Variants in TMEM178B observed in about 807,000 individuals in gnomAD.
TMEM178B encodes transmembrane protein 178B.
Under a neutral mutation model 31.0 loss-of-function variants are expected in TMEM178B, and 5 were observed. The observed-to-expected ratio is 0.16, with a 90% CI of 0.08 to 0.34. The LOEUF is 0.34. Among genes scored for constraint, TMEM178B ranks in the 10% least tolerant of loss-of-function variants. The pLI, the probability that TMEM178B is intolerant of heterozygous loss-of-function variation, is 1.00. For synonymous variants in TMEM178B, 164 were observed against 164.0 expected, an observed-to-expected ratio of 1.00 and a Z score of 0.00; for missense variants, 275 against 400.3, an observed-to-expected ratio of 0.69 and a Z score of 2.67.
intron 2 of TMEM178B, among the ~76,000 whole-genome samples, chr7:141,299,282 T>C (rs929992979): frequency 6.6e-6 from 1 of 152,166 alleles, no homozygotes; most frequent in African/African-American, 2.4e-5. Context: ...GTGCAAGTGA[T>C]TCTCCTGCCT....
At chr7:141,374,244 C>T (rs1800170996) in intron 2 of TMEM178B, among the ~76,000 whole-genome samples, 1 of 152,164 alleles carries the variant, frequency 6.6e-6, no homozygotes, top group African/African-American at 2.4e-5. Context: ...CGGGATTCCA[C>T]CAGCAGGTGT....
chr7:141,162,417 C>T (rs760415485), intron 1 of TMEM178B, among the ~76,000 whole-genome samples: 3 of 152,158 alleles, frequency 2.0e-5, no homozygotes, highest in Non-Finnish European at 4.4e-5. Context: ...AGGGCTGACA[C>T]CTGAACAATG....
In TMEM178B at chr7:141,472,143, T is replaced by C. The variant is rs1190954555; in HGVS notation, c.*1357T>C. 1 of 152,172 alleles carries C rather than the reference T, an allele frequency of 6.6e-6. No homozygotes were observed. Among genetic ancestry groups the C allele is most frequent in the East Asian group, 1.9e-4 (1 of 5,174 alleles). The allele number at this position is 152,172 out of a possible 1,614,324, so 9.4% of individuals were successfully genotyped here. A position where few individuals can be genotyped will look rare whatever the true frequency, so the allele number is the denominator to read the frequency against. ...ACTCCCCATTATAGAAGCTGTCCTT[T>C]GTCACTGGACATCTCCCCTTTCCCT... On this transcript the variant is annotated 3_prime_UTR_variant, in exon 4 of 4. Coordinates refer to ENST00000565468, the MANE Select transcript of TMEM178B (RefSeq NM_001195278.2).
At chr7:141,312,262 C>A (rs776398152) in intron 2 of TMEM178B, among the ~76,000 whole-genome samples, 4 of 152,204 alleles carry the variant, frequency 2.6e-5, no homozygotes, top group Non-Finnish European at 5.9e-5. Flanking sequence ...CTTCCCTCTT[C>A]CCCTGCAGAA....
At chr7:141,197,923 G>A (rs1019524902) in intron 1 of TMEM178B, among the ~76,000 whole-genome samples, 8 of 152,128 alleles carry the variant, frequency 5.3e-5, no homozygotes, top group African/African-American at 9.7e-5. Flanking sequence ...ATGAGCCACC[G>A]CACCCTGCCA....
chr7:141,213,949 C>G (rs1389902126), intron 2 of TMEM178B, among the ~76,000 whole-genome samples: 2 of 152,184 alleles, frequency 1.3e-5, no homozygotes, highest in South Asian at 4.1e-4. Flanking sequence ...TTACTAGAGA[C>G]ACTAAGCAGC....
intron 2 of TMEM178B, among the ~76,000 whole-genome samples, chr7:141,424,549 G>A (rs1182280043): frequency 2.6e-5 from 4 of 152,168 alleles, no homozygotes; most frequent in African/African-American, 4.8e-5. Context: ...CTCATGATCC[G>A]TGCTTGGAAT....
intron 2 of TMEM178B, among the ~76,000 whole-genome samples, chr7:141,338,240 G>A (rs1799459234): frequency 2.0e-5 from 3 of 152,318 alleles, no homozygotes; most frequent in African/African-American, 7.2e-5. Context: ...TGGTCATGAT[G>A]TAGTTAAAGC....
intron 1 of TMEM178B, among the ~76,000 whole-genome samples, chr7:141,096,540 C>T (rs1195127227): frequency 1.3e-5 from 2 of 152,158 alleles, no homozygotes; most frequent in Non-Finnish European, 2.9e-5. Flanking sequence ...CTTTAGTGAA[C>T]AAGAAATAAT....
At chr7:141,495,888 T>C in the TMEM178B span, among the ~76,000 whole-genome samples, 1 of 152,144 alleles carries the variant, frequency 6.6e-6, no homozygotes, top group African/African-American at 2.4e-5. Context: ...CAGTTGAGAG[T>C]CGCCCTGGAC....
At chr7:141,366,613 G>C (rs1800009502) in intron 2 of TMEM178B, among the ~76,000 whole-genome samples, 1 of 152,070 alleles carries the variant, frequency 6.6e-6, no homozygotes, top group Non-Finnish European at 1.5e-5. Flanking sequence ...GTCTGTCTTT[G>C]GATTTCTTCT....
At chr7:141,452,995 C>G (rs1801897220) in intron 3 of TMEM178B, among the ~76,000 whole-genome samples, 1 of 152,244 alleles carries the variant, frequency 6.6e-6, no homozygotes, top group Admixed American at 6.5e-5. Context: ...CAGCGACTGA[C>G]TGTCACTGCC....
At chr7:141,238,390 G>T (rs1797563193) in intron 2 of TMEM178B, among the ~76,000 whole-genome samples, 2 of 152,208 alleles carry the variant, frequency 1.3e-5, no homozygotes, top group South Asian at 4.1e-4. Context: ...GAGCCTGGAA[G>T]ATTGTTGTAT....
chr7:141,389,459 C>T (rs1296220848), intron 2 of TMEM178B, among the ~76,000 whole-genome samples: 1 of 152,146 alleles, frequency 6.6e-6, no homozygotes, highest in Non-Finnish European at 1.5e-5. Context: ...GAAGGTACAT[C>T]TGTACACAAC....
intron 2 of TMEM178B, among the ~76,000 whole-genome samples, chr7:141,361,408 C>T (rs73169539): frequency 2.0e-5 from 3 of 152,144 alleles, no homozygotes; most frequent in Non-Finnish European, 4.4e-5. Flanking sequence ...TCTCTATGTC[C>T]AAGCACAGTT....
chr7:141,258,274 T>C (rs1010954064), intron 2 of TMEM178B, among the ~76,000 whole-genome samples: 1 of 152,100 alleles, frequency 6.6e-6, no homozygotes, highest in African/African-American at 2.4e-5. Context: ...TTAGCAGGGA[T>C]GTCCAATCTT....
At chr7:141,459,619 G>C (rs1252012793) in intron 3 of TMEM178B, among the ~76,000 whole-genome samples, 2 of 152,232 alleles carry the variant, frequency 1.3e-5, no homozygotes, top group Admixed American at 1.3e-4. Flanking sequence ...ACTAGGATTA[G>C]AACATAATGG....
chr7:141,495,558 A>G, the TMEM178B span, among the ~76,000 whole-genome samples: 1 of 152,192 alleles, frequency 6.6e-6, no homozygotes, highest in African/African-American at 2.4e-5. Flanking sequence ...TTTGAAAGGC[A>G]CTTGCAGAAA....
At chr7:141,450,553 C>G (rs546917630) in intron 3 of TMEM178B, among the ~76,000 whole-genome samples, 1 of 152,236 alleles carries the variant, frequency 6.6e-6, no homozygotes, top group East Asian at 1.9e-4. Context: ...ACCCATCCAC[C>G]ATTCTTGGGG....
Sources: allele counts gnomAD v4.1 joint callset (sites outside exome capture counted in the v4.1 genomes callset), GRCh38; gene constraint gnomAD v4.1.1; transcripts MANE v1.5; gene names NCBI Gene and HGNC (gene_info 2026-07-23, HGNC 2026-07-21).